Variants in OPTN observed in about 807,000 individuals in gnomAD.
The protein encoded by OPTN is optineurin.
A neutral mutation model predicts 70.4 loss-of-function variants in OPTN; 54 were observed. That is an observed-to-expected ratio of 0.77 (90% CI 0.62 to 0.96). The LOEUF (loss-of-function observed/expected upper bound fraction) is 0.96, where lower values mean the gene tolerates loss of function less well. Ranked by LOEUF, OPTN falls within the 40% of genes least tolerant of loss-of-function variation. OPTN has a pLI of 0.00. For synonymous variants in OPTN, 256 were observed against 248.5 expected (o/e 1.03, Z -0.28); for missense variants, 624 against 673.2 (o/e 0.93, Z 0.81).
At chr10:13,130,093 T>C (rs150623311) in intron 12 of OPTN, among the ~76,000 whole-genome samples, 2 of 152,288 alleles carry the variant, frequency 1.3e-5, no homozygotes, top group African/African-American at 4.8e-5. Context: ...TGGATACTCT[T>C]GCTCATTCAT....
At chr10:13,135,990 C>A (rs1833690145) in intron 14 of OPTN, among the ~76,000 whole-genome samples, 1 of 152,046 alleles carries the variant, frequency 6.6e-6, no homozygotes, top group Non-Finnish European at 1.5e-5. Flanking sequence ...AGTTCAGAAC[C>A]AGCCTGGGCA....
chr10:13,124,826 T>A (rs1833424171), intron 9 of OPTN, among the ~76,000 whole-genome samples: 1 of 152,230 alleles, frequency 6.6e-6, no homozygotes, highest in Admixed American at 6.5e-5. Flanking sequence ...TTATTTCAAT[T>A]CTCTGAGCCT....
At chr10:13,120,074 C>T (rs1361340332) in intron 7 of OPTN, among the ~76,000 whole-genome samples, 2 of 151,448 alleles carry the variant, frequency 1.3e-5, no homozygotes, top group African/African-American at 2.4e-5. Flanking sequence ...GCTCCGCCTC[C>T]CGGGTTCACG....
At position 13,133,840 on chromosome 10, in the gene OPTN, G is replaced by A. The variant is rs575554592; in HGVS notation, c.1612+259G>A. 5.9e-5 allele frequency among the ~76,000 whole-genome samples: 9 copies of A among 151,730 alleles called. 1 individual carries two copies. Among genetic ancestry groups the A allele is most frequent in the South Asian group, 2.1e-4 (1 of 4,800 alleles). ...TTCTTTTTTTTTGAGACAGAATTTCGCTGTGTCGTCCAGGCTGGAGTGCAG... is the reference window on the plus strand; with the variant it reads ...TTCTTTTTTTTTGAGACAGAATTTCACTGTGTCGTCCAGGCTGGAGTGCAG... On this transcript the variant is annotated intron_variant, in intron 14 of 14. Transcript: ENST00000378747.
chr10:13,119,262 A>G (rs1833289506), intron 7 of OPTN, among the ~76,000 whole-genome samples: 1 of 152,174 alleles, frequency 6.6e-6, no homozygotes, highest in Non-Finnish European at 1.5e-5. Context: ...TTCTGTCTCT[A>G]TAGATTTGGC....
At chr10:13,131,922 C>A in intron 12 of OPTN, 145 bp from the exon 13 acceptor site, 1 of 750,390 alleles carries the variant, frequency 1.3e-6, no homozygotes, top group Non-Finnish European at 2.2e-6. Flanking sequence ...AAGTCATGGT[C>A]ATTATACTGT....
At chr10:13,116,548 C>G in intron 6 of OPTN, 2 of 620,606 alleles carry the variant, frequency 3.2e-6, no homozygotes, top group Non-Finnish European at 2.9e-6. Context: ...TCCTGTTTGG[C>G]TCACACTGAC....
At chr10:13,129,449 T>C (rs996136791) in intron 12 of OPTN, among the ~76,000 whole-genome samples, 5 of 150,884 alleles carry the variant, frequency 3.3e-5, no homozygotes, top group Non-Finnish European at 5.9e-5. Context: ...ACCTCCCGGG[T>C]TCAAGCCATT....
intron 1 of OPTN, among the ~76,000 whole-genome samples, chr10:13,105,286 C>T (rs993103658): frequency 7.9e-5 from 12 of 152,074 alleles, no homozygotes; most frequent in Non-Finnish European, 1.3e-4. Flanking sequence ...CTGGCCTGCC[C>T]GTGATACTTG....
chr10:13,126,456 AT>A (rs1203915121), intron 11 of OPTN, among the ~76,000 whole-genome samples: 1 of 151,420 alleles, frequency 6.6e-6, no homozygotes, highest in Admixed American at 6.6e-5. Flanking sequence ...AATTTTTTGT[AT>A]TTTTAGTAGA....
At chr10:13,108,686 A>G (rs1023350514) in intron 2 of OPTN, among the ~76,000 whole-genome samples, 3 of 151,982 alleles carry the variant, frequency 2.0e-5, no homozygotes, top group African/African-American at 7.3e-5. Context: ...AGCTGGGACT[A>G]CAAGCGCCCA....
chr10:13,125,611 G>C (rs777264573), intron 10 of OPTN, 44 bp downstream of exon 10: 4 of 1,609,766 alleles, frequency 2.5e-6, no homozygotes, highest in Non-Finnish European at 3.4e-6. Flanking sequence ...GCAGAGGAGG[G>C]AGAATCGCCT....
chr10:13,124,952 T>C (rs566019214), intron 9 of OPTN, among the ~76,000 whole-genome samples: 3 of 152,374 alleles, frequency 2.0e-5, no homozygotes, highest in South Asian at 4.1e-4. Flanking sequence ...ATTTGTATTA[T>C]ATTGAAATCC....
At chr10:13,118,767 A>G (rs1833276147) in intron 6 of OPTN, 121 bp from the exon 7 acceptor site, 4 of 862,612 alleles carry the variant, frequency 4.6e-6, no homozygotes, top group Admixed American at 1.8e-5. Flanking sequence ...CTAGTTGAGA[A>G]TTAGTTGGAG....
At chr10:13,114,171 C>G (rs531756199) in intron 5 of OPTN, among the ~76,000 whole-genome samples, 1 of 152,200 alleles carries the variant, frequency 6.6e-6, no homozygotes, top group Non-Finnish European at 1.5e-5. Flanking sequence ...CAAAAAAGCT[C>G]ACCTACTGGT....
intron 1 of OPTN, chr10:13,104,826 A>G (rs1358422306): frequency 4.6e-6 from 2 of 435,578 alleles, no homozygotes; most frequent in Non-Finnish European, 8.7e-6. Context: ...AAAAGGTGGC[A>G]TTCGAGATCT....
chr10:13,114,814 T>TTATATATACA (rs1564358862), intron 5 of OPTN, among the ~76,000 whole-genome samples: 4 of 66,690 alleles, frequency 6.0e-5, no homozygotes, highest in African/African-American at 2.6e-4. Flanking sequence ...ATATATATAA[T>TTATATATACA]TATATAATTA....
intron 7 of OPTN, among the ~76,000 whole-genome samples, chr10:13,120,690 C>T (rs1345301618): frequency 1.3e-5 from 2 of 152,018 alleles, no homozygotes; most frequent in African/African-American, 4.8e-5. Flanking sequence ...ACTCTCAGTT[C>T]TGTTTCATTG....
At chr10:13,133,751 G>A (rs1052394908) in intron 14 of OPTN, among the ~76,000 whole-genome samples, 170 bp downstream of exon 14, 6 of 152,020 alleles carry the variant, frequency 3.9e-5, no homozygotes, top group East Asian at 1.9e-4. Flanking sequence ...ATTACCCACC[G>A]AATCCAGACC....
Sources: allele counts gnomAD v4.1 joint callset (sites outside exome capture counted in the v4.1 genomes callset), GRCh38; gene constraint gnomAD v4.1.1; transcripts MANE v1.5; gene names NCBI Gene and HGNC (gene_info 2026-07-23, HGNC 2026-07-21).